Variants in SIRT7 observed in about 807,000 individuals in gnomAD.
SIRT7 encodes the protein NAD-dependent protein deacetylase sirtuin-7.
A neutral mutation model predicts 42.8 loss-of-function variants in SIRT7; 32 were observed. The observed-to-expected ratio is 0.75, with a 90% CI of 0.56 to 1.00. The LOEUF (loss-of-function observed/expected upper bound fraction) is 1.00, where lower values mean the gene tolerates loss of function less well. SIRT7 is among the 50% of genes least tolerant of loss of function. SIRT7 has a pLI of 0.00. For synonymous variants in SIRT7, 297 were observed against 245.2 expected, an observed-to-expected ratio of 1.21 and a Z score of -1.97; for missense variants, 553 against 572.2, an observed-to-expected ratio of 0.97 and a Z score of 0.34.
rs1483763129 is a variant in SIRT7, at chr17:81,912,435, T to G, written c.1184A>C (p.Lys395Thr). 6.2e-7 allele frequency: 1 copy of G among 1,613,942 alleles called. No homozygotes were observed. Among genetic ancestry groups the G allele is most frequent in the Non-Finnish European group, 8.5e-7 (1 of 1,180,028 alleles). The change falls in exon 10 of 10, where the codon AAA (lysine) becomes ACA (threonine). Residue 395 changes from lysine (K) to threonine (T), a missense_variant. Transcript: ENST00000328666. ...ACGTGATTACGTCACTTTCTTCCTTTTTGTGCGTTTTGTGCAGCCCCTGCC... is the reference window on the plus strand; with the variant it reads ...ACGTGATTACGTCACTTTCTTCCTTGTTGTGCGTTTTGTGCAGCCCCTGCC... ...WFGRGCTKRT[K>T]RKKVT
In SIRT7 at chr17:81,913,948, G is replaced by T; in HGVS notation, c.898-68C>A. 6.5e-7 allele frequency: 1 copy of T among 1,538,710 alleles called. No individual in the cohort carries two copies. The highest frequency in any genetic ancestry group is 8.8e-7 in the Non-Finnish European group (1 of 1,131,796). On this transcript the variant is annotated intron_variant, in intron 8 of 9. Transcript: ENST00000328666. This position sits in a 1 kb window ranked among gnomAD's most constrained non-coding sequence, Gnocchi z 5.0. ...CCTTCCCGGTGGCCTGTCAGCCTTG[G>T]CCCCTACGGGCTCAGTCGGTGCTCC...
chr17:81,914,345 G>C lies in SIRT7; in HGVS notation c.765C>G (p.Thr255=). The C allele has an allele frequency of 2.5e-6, 4 of 1,612,886 alleles. No homozygotes were observed. Among genetic ancestry groups the C allele is most frequent in the Non-Finnish European group, 3.4e-6 (4 of 1,179,986 alleles). The part of the protein sequence containing the change: ...LGQPLNWEAA[T]EAASRADTIL... ...TGGTGTCTGCTCTGCTGGCAGCCTC[G>C]GTCGCCGCTTCCCAGTTCAAAGGCT... Residue 255 remains threonine, a synonymous_variant, in exon 7 of 10, where the codon ACC becomes ACG. Transcript: ENST00000328666.
chr17:81,917,485 T>G (rs1288275298), intron 3 of SIRT7, 130 bp downstream of exon 3: 3 of 773,962 alleles, frequency 3.9e-6, no homozygotes, highest in Non-Finnish European at 3.8e-6. Context: ...AAAAAGCGTT[T>G]ACCTTAGGTA....
At chr17:81,916,203 C>A in intron 3 of SIRT7, 1 of 161,526 alleles carries the variant, frequency 6.2e-6, no homozygotes. Flanking sequence ...GTTTTCAATC[C>A]TGTGAAACAA....
At position 81,914,448 on chromosome 17, in the gene SIRT7, G is replaced by A. The variant is rs1461079468; in HGVS notation, c.662C>T (p.Thr221Ile). 1 of 1,612,950 alleles carries A rather than the reference G, an allele frequency of 6.2e-7. No homozygotes were observed. The highest frequency in any genetic ancestry group is 8.5e-7 in the Non-Finnish European group (1 of 1,180,018). ...TERTALHRHQ[T>I]GRTCHKCGTQ... ...CCCACACTTGTGGCAGGTCCGGCCT[G>A]TCTGGTGTCTGTGGAGGGCAGTGCG... Residue 221 changes from threonine to isoleucine, a missense_variant, in exon 7 of 10, where the codon ACA (threonine) becomes ATA (isoleucine). Thr to Ile is a moderately conservative substitution (Grantham distance 89, BLOSUM62 -1). Coordinates refer to ENST00000328666, the MANE Select transcript of SIRT7 (RefSeq NM_016538.3).
rs1451306793 is a variant in SIRT7, at chr17:81,913,710, G to A, written c.1004+64C>T. 8.8e-6 allele frequency: 12 copies of A among 1,369,450 alleles called. No homozygotes were observed. The highest frequency in any genetic ancestry group is 1.2e-5 in the Non-Finnish European group (12 of 985,074). The allele number at this position is 1,369,450 out of a possible 1,614,324, so 84.8% of individuals were successfully genotyped here. A position where few individuals can be genotyped will look rare whatever the true frequency, so the allele number is the denominator to read the frequency against. Reference sequence around the variant, plus strand: ...CTTCCTCCACACTCAGCTCACGAGAGAAGACAGACAAGGCCCAGCACACAG... The same window carrying A: ...CTTCCTCCACACTCAGCTCACGAGAAAAGACAGACAAGGCCCAGCACACAG... On this transcript the variant is annotated intron_variant, in intron 9 of 9. Coordinates refer to ENST00000328666, the MANE Select transcript of SIRT7 (RefSeq NM_016538.3). This position sits in a 1 kb window ranked among gnomAD's most constrained non-coding sequence, Gnocchi z 5.0.
intron 5 of SIRT7, 169 bp downstream of exon 5, chr17:81,915,271 C>G (rs1049623074): frequency 1.3e-5 from 9 of 689,456 alleles, no homozygotes; most frequent in African/African-American, 5.3e-5. Context: ...CCCCTTCTGT[C>G]CTGGAGAGTC....
rs1379868989 is a variant in SIRT7, at chr17:81,914,585, T to A, written c.579+19A>T. 1 of 1,612,318 alleles carries A rather than the reference T, an allele frequency of 6.2e-7. No individual in the cohort carries two copies. The highest frequency in any genetic ancestry group is 1.3e-5 in the African/African-American group (1 of 74,852). ...CCCGCCTGCCCATGGAGACCCTGGGTCCCTGCAGGACTGCTCACTTCAATG... is the reference window on the plus strand; with the variant it reads ...CCCGCCTGCCCATGGAGACCCTGGGACCCTGCAGGACTGCTCACTTCAATG... On this transcript the variant is annotated intron_variant, in intron 6 of 9. Coordinates refer to ENST00000328666, the MANE Select transcript of SIRT7 (RefSeq NM_016538.3).
intron 1 of SIRT7, 28 bp from the exon 2 acceptor site, chr17:81,917,995 G>C: frequency 7.5e-7 from 1 of 1,339,334 alleles, no homozygotes; most frequent in Non-Finnish European, 9.5e-7. Flanking sequence ...GTGAGCGGCG[G>C]CGCGGGCCGG....
rs1421459355 is a variant in SIRT7, at chr17:81,912,237, G to GT, written c.*178dup. 15 of 730,026 alleles carry GT rather than the reference G, an allele frequency of 2.1e-5. No homozygotes were observed. Among genetic ancestry groups the GT allele is most frequent in the African/African-American group, 1.1e-4 (6 of 57,014 alleles). 45.2% of individuals were successfully genotyped at this position (730,026 alleles called of 1,614,324 possible). ...GGCAGGTGTCCTCGATGGCCAGGCC[G>GT]TATCAGGGTACAACCGCAGCAGTGC... On this transcript the variant is annotated 3_prime_UTR_variant, in exon 10 of 10. Coordinates refer to ENST00000328666, the MANE Select transcript of SIRT7 (RefSeq NM_016538.3).
intron 5 of SIRT7, chr17:81,914,999 G>C (rs1197163049): frequency 3.9e-6 from 2 of 516,292 alleles, no homozygotes; most frequent in Non-Finnish European, 7.1e-6. Flanking sequence ...TCGGGGTTTG[G>C]CAAGGGCCAC....
chr17:81,912,675 C>A, intron 9 of SIRT7, 61 bp from the exon 10 acceptor site: 1 of 1,539,298 alleles, frequency 6.5e-7, no homozygotes, highest in Non-Finnish European at 8.8e-7. Context: ...CACACCTGCC[C>A]CAGCTCGGGA....
rs772549818 is a variant in SIRT7, at chr17:81,917,926, G to C, written c.135C>G (p.Ala45=). 8.6e-5 allele frequency: 120 copies of C among 1,397,534 alleles called. No individual in the cohort carries two copies. Among genetic ancestry groups the C allele is most frequent in the African/African-American group, 7.6e-4 (51 of 66,706 alleles). 86.6% of individuals were successfully genotyped at this position (1,397,534 alleles called of 1,614,324 possible). The part of the protein sequence containing the change: ...ILRKAAAERS[A]EEGRLLAESA... ...TCTCGGCCAGCAGCCGGCCCTCCTCGGCGCTGCGCTCCGCCGCCGCCTTCC... is the reference window on the plus strand; with the variant it reads ...TCTCGGCCAGCAGCCGGCCCTCCTCCGCGCTGCGCTCCGCCGCCGCCTTCC... Residue 45 remains alanine, a synonymous_variant, in exon 2 of 10, where the codon GCC becomes GCG. Coordinates refer to ENST00000328666, the MANE Select transcript of SIRT7 (RefSeq NM_016538.3).
intron 5 of SIRT7, 59 bp downstream of exon 5, chr17:81,915,381 G>A (rs1270168462): frequency 1.3e-6 from 2 of 1,563,568 alleles, no homozygotes; most frequent in Non-Finnish European, 1.7e-6. Flanking sequence ...GTTGCCCACT[G>A]GGCACCAAGG....
rs1247000516 is a variant in SIRT7 at position 81,912,474 on chromosome 17, A to C, written c.1145T>G (p.Leu382Arg). The C allele has an allele frequency of 6.2e-7, 1 of 1,613,946 alleles. No homozygotes were observed. Among genetic ancestry groups the C allele is most frequent in the East Asian group, 2.2e-5 (1 of 44,884 alleles). The change falls in exon 10 of 10, where the codon CTA becomes CGA. Residue 382 changes from leucine to arginine, a missense_variant. Leu to Arg is a moderately radical substitution (Grantham distance 102). Coordinates refer to ENST00000328666, the MANE Select transcript of SIRT7 (RefSeq NM_016538.3). ...GCAGCCCCTGCCAAACCAGCCCCCT[A>C]GGATGGGGGCCGAGCTAAGCGGTGC... Reference protein sequence around the residue: ...RGAPLSSAPILGGWFGRGCTK... With the variant: ...RGAPLSSAPIRGGWFGRGCTK...
In SIRT7 at chr17:81,912,108, A is replaced by G. The variant is rs1379346938; in HGVS notation, c.*308T>C. ...CCTGAGACTGGCCTGGTGAGCGAGG[A>G]AAGGCCGCTGGGCGCTTCCACTCTG... On this transcript the variant is annotated 3_prime_UTR_variant, in exon 10 of 10. Coordinates refer to ENST00000328666, the MANE Select transcript of SIRT7 (RefSeq NM_016538.3). 3.5e-5 allele frequency: 16 copies of G among 462,210 alleles called. No individual in the cohort carries two copies. The highest frequency in any genetic ancestry group is 6.3e-5 in the Non-Finnish European group (16 of 254,576). 28.6% of individuals were successfully genotyped at this position (462,210 alleles called of 1,614,324 possible). A position where few individuals can be genotyped will look rare whatever the true frequency, so the allele number is the denominator to read the frequency against.
In SIRT7 at chr17:81,913,775, T is replaced by C; in HGVS notation, c.1003A>G (p.Arg335Gly). The change falls in exon 9 of 10, where the codon AGG becomes GGG. Residue 335 changes from arginine (R) to glycine (G), a missense_variant and splice_region_variant. Transcript: ENST00000328666. This position sits in a 1 kb window ranked among gnomAD's most constrained non-coding sequence, Gnocchi z 5.0. ...ELGLEIPAYS[R>G]WQDPIFSLAT... ...AGGCTGCTGCAGCGGCTCACTCACC[T>C]GCTATAGGCGGGGATCTCCAAGCCC... is the stretch of plus-strand genomic sequence containing the variant. The C allele has an allele frequency of 6.5e-7, 1 of 1,548,572 alleles. No homozygotes were observed. The highest frequency in any genetic ancestry group is 8.7e-7 in the Non-Finnish European group (1 of 1,146,696).
chr17:81,914,906 G>A, intron 5 of SIRT7: 2 of 586,768 alleles, frequency 3.4e-6, no homozygotes, highest in Admixed American at 2.9e-5. Context: ...GTGGGGAGGG[G>A]CTGTCCTTCC....
Position 81,915,144 on chromosome 17 carries a change from T to TAA in SIRT7, c.480+295_480+296insTT, listed in dbSNP as rs1210920216. On this transcript the variant is annotated intron_variant, in intron 5 of 9. Coordinates refer to ENST00000328666, the MANE Select transcript of SIRT7 (RefSeq NM_016538.3). The stretch of plus-strand genomic sequence containing the variant: ...AGAGATGTCCTATAAGCCTCCCCTG[T>TAA]GACTAGGATGGCTTCTGAGGTCCAC... 1.9e-5 allele frequency: 10 copies of TAA among 532,058 alleles called. No individual in the cohort carries two copies. The Admixed American group carries it at 2.8e-4, about 15-fold the overall frequency. 33.0% of individuals were successfully genotyped at this position (532,058 alleles called of 1,614,324 possible).
Sources: gnomAD v4.1 joint callset for allele counts on GRCh38, gnomAD v4.1.1 for gene constraint, Gnocchi (gnomAD v3.1) non-coding constraint, MANE v1.5 for transcripts, NCBI Gene and HGNC (gene_info 2026-07-23, HGNC 2026-07-21) for gene names.